Variants in ZNF385D observed in about 807,000 individuals in gnomAD.
ZNF385D encodes zinc finger protein 659.
ZNF385D carries 15 observed loss-of-function variants against 35.8 expected under a neutral mutation model. The observed-to-expected ratio is 0.42, with a 90% CI of 0.28 to 0.64. ZNF385D has a LOEUF of 0.64. Among genes scored for constraint, ZNF385D ranks in the 30% least tolerant of loss-of-function variants. The probability of loss-of-function intolerance (pLI) is 0.23; values close to 1 mark genes in which losing one functional copy is unlikely to be tolerated. For missense variants in ZNF385D, 474 were observed against 494.6 expected (o/e 0.96, Z 0.39); for synonymous variants, 212 against 186.8 (o/e 1.13, Z -1.10).
At chr3:22,287,199 GCT>G (rs1313537417) in intron 2 of ZNF385D, among the ~76,000 whole-genome samples, 1 of 151,720 alleles carries the variant, frequency 6.6e-6, no homozygotes, top group African/African-American at 2.4e-5. Context: ...AGCTACCTCT[GCT>G]CTCTTTTCCA....
intron 1 of ZNF385D, among the ~76,000 whole-genome samples, chr3:21,676,459 A>C (rs2066733034): frequency 6.6e-6 from 1 of 152,018 alleles, no homozygotes; most frequent in South Asian, 2.1e-4. Flanking sequence ...TTCCTAATGG[A>C]ATTGTAGTAA....
At chr3:22,147,631 A>T (rs6792643) in intron 3 of ZNF385D, among the ~76,000 whole-genome samples, 1 of 152,196 alleles carries the variant, frequency 6.6e-6, no homozygotes, top group African/African-American at 2.4e-5. Context: ...ATATGTATTA[A>T]TACAACACCA....
intron 3 of ZNF385D, among the ~76,000 whole-genome samples, chr3:21,979,066 A>T (rs77239654): frequency 0.015 from 2,336 of 152,262 alleles, 54 homozygotes; most frequent in East Asian, 0.071. Flanking sequence ...GCACAATAGA[A>T]AATAGTTGTG....
Position 22,270,644 on chromosome 3 carries a change from C to T in ZNF385D, c.107-101609G>A, listed in dbSNP as rs143884156. Among the ~76,000 whole-genome samples the T allele has an allele frequency of 7.7e-3, 1,160 of 151,018 alleles. 14 individuals are homozygous for T. The highest frequency in any genetic ancestry group is 0.014 in the Middle Eastern group (4 of 294). Reference sequence around the variant, plus strand: ...AAGAAAGCACATAGAGGCTATAAAGCTACATGATGTGAGATCTTTACTTAT... The same window carrying T: ...AAGAAAGCACATAGAGGCTATAAAGTTACATGATGTGAGATCTTTACTTAT... On this transcript the variant is annotated intron_variant, in intron 2 of 5. Coordinates refer to the ZNF385D transcript ENST00000494108.
intron 4 of ZNF385D, among the ~76,000 whole-genome samples, chr3:21,458,060 T>C (rs2125303245): frequency 6.6e-6 from 1 of 152,084 alleles, no homozygotes; most frequent in African/African-American, 2.4e-5. Flanking sequence ...ATTCAGCAGC[T>C]GAAAAAAATA....
intron 1 of ZNF385D, among the ~76,000 whole-genome samples, chr3:21,683,684 T>C (rs2066989528): frequency 6.7e-6 from 1 of 149,878 alleles, no homozygotes; most frequent in Admixed American, 6.7e-5. Flanking sequence ...CGAAGAGCAT[T>C]CTCCGGCTGG....
At chr3:21,589,486 GA>G (rs1042063410) in intron 2 of ZNF385D, among the ~76,000 whole-genome samples, 3 of 152,034 alleles carry the variant, frequency 2.0e-5, no homozygotes, top group Admixed American at 6.6e-5. Context: ...TAAGAGTGAA[GA>G]AAAATATTTT....
chr3:21,782,351 A>G (rs2071525083), intron 3 of ZNF385D, among the ~76,000 whole-genome samples: 1 of 152,106 alleles, frequency 6.6e-6, no homozygotes, highest in African/African-American at 2.4e-5. Flanking sequence ...TACCTGGAGG[A>G]AATTCAGGAG....
At chr3:21,926,286 T>A (rs1700723816) in intron 3 of ZNF385D, among the ~76,000 whole-genome samples, 1 of 151,672 alleles carries the variant, frequency 6.6e-6, no homozygotes, top group Admixed American at 6.6e-5. Flanking sequence ...CCTCCCCTAG[T>A]CCCTCATCCC....
chr3:21,977,200 T>C (rs947406910), intron 3 of ZNF385D, among the ~76,000 whole-genome samples: 2 of 152,142 alleles, frequency 1.3e-5, no homozygotes, highest in Non-Finnish European at 1.5e-5. Flanking sequence ...CTAGGGGTGT[T>C]GGTAATATTC....
chr3:21,941,719 G>A (rs998967867), intron 3 of ZNF385D, among the ~76,000 whole-genome samples: 1 of 151,688 alleles, frequency 6.6e-6, no homozygotes, highest in Non-Finnish European at 1.5e-5. Context: ...GGATGGTCTC[G>A]ATCTCCTGAC....
At chr3:22,166,169 T>C (rs1376941976) in intron 3 of ZNF385D, among the ~76,000 whole-genome samples, 1 of 152,126 alleles carries the variant, frequency 6.6e-6, no homozygotes, top group Non-Finnish European at 1.5e-5. Context: ...ACCATGGTTG[T>C]TTTTCGTGGC....
chr3:21,938,330 A>G (rs944121516), intron 3 of ZNF385D, among the ~76,000 whole-genome samples: 10 of 152,184 alleles, frequency 6.6e-5, no homozygotes, highest in African/African-American at 2.4e-4. Flanking sequence ...AGTGTGACAC[A>G]TGTCACTGAA....
intron 2 of ZNF385D, among the ~76,000 whole-genome samples, chr3:22,360,534 A>T (rs1000918750): frequency 1.0e-3 from 154 of 152,138 alleles, no homozygotes; most frequent in African/African-American, 3.6e-3. Flanking sequence ...TATTAATTTT[A>T]TCATTTCTTA....
chr3:22,006,192 C>G lies in ZNF385D; in HGVS notation c.325+162625G>C, dbSNP rs113373280. On this transcript the variant is annotated intron_variant, in intron 3 of 5. Coordinates refer to the ZNF385D transcript ENST00000494108. The stretch of plus-strand genomic sequence containing the variant: ...TGAACACATTTTAGATAAACCTATG[C>G]AGAGTTTTAATTTTTGAGAAGAGGA... 3.2e-3 allele frequency among the ~76,000 whole-genome samples: 483 copies of G among 152,120 alleles called. 4 individuals carry two copies. The highest frequency in any genetic ancestry group is 0.011 in the African/African-American group (451 of 41,528).
intron 4 of ZNF385D, among the ~76,000 whole-genome samples, chr3:21,448,450 C>G (rs1287023702): frequency 6.6e-6 from 1 of 152,078 alleles, no homozygotes; most frequent in Non-Finnish European, 1.5e-5. Flanking sequence ...TCACATAACA[C>G]AATGATTTCT....
At chr3:21,964,370 G>T (rs1301044524) in intron 3 of ZNF385D, among the ~76,000 whole-genome samples, 4 of 112,362 alleles carry the variant, frequency 3.6e-5, no homozygotes, top group Non-Finnish European at 6.7e-5. Context: ...ACTTGCTTCA[G>T]AGAATCTTTG....
At chr3:22,019,350 C>T (rs903508527) in intron 3 of ZNF385D, among the ~76,000 whole-genome samples, 1 of 151,878 alleles carries the variant, frequency 6.6e-6, no homozygotes, top group Non-Finnish European at 1.5e-5. Flanking sequence ...GGAAATTTCA[C>T]TGTAATTCAT....
chr3:21,602,513 TTTTC>T (rs1559450219), intron 2 of ZNF385D, among the ~76,000 whole-genome samples: 9 of 72,884 alleles, frequency 1.2e-4, no homozygotes, highest in Non-Finnish European at 2.1e-4. Flanking sequence ...TTTCCCTGCA[TTTTC>T]TTTTTTTTTT....
Sources: gnomAD v4.1 joint callset for allele counts (sites outside exome capture counted in the v4.1 genomes callset) on GRCh38, gnomAD v4.1.1 for gene constraint, MANE v1.5 for transcripts, NCBI Gene and HGNC (gene_info 2026-07-23, HGNC 2026-07-21) for gene names.